Variants in CDH12 observed in about 807,000 individuals in gnomAD.
The protein encoded by CDH12 is cadherin-12.
In CDH12, 41 loss-of-function variants were observed where a neutral mutation model predicts 74.1. The observed-to-expected ratio is 0.55, with a 90% CI of 0.43 to 0.72. The LOEUF (loss-of-function observed/expected upper bound fraction) is 0.72, where lower values mean the gene tolerates loss of function less well. Among genes scored for constraint, CDH12 ranks in the 30% least tolerant of loss-of-function variants. CDH12 has a pLI of 0.00. For synonymous variants in CDH12, 399 were observed against 355.0 expected, an observed-to-expected ratio of 1.12 and a Z score of -1.39; for missense variants, 945 against 977.2, an observed-to-expected ratio of 0.97 and a Z score of 0.44.
At chr5:21,791,303 A>C (rs1356072670) in intron 10 of CDH12, among the ~76,000 whole-genome samples, 1 of 152,076 alleles carries the variant, frequency 6.6e-6, no homozygotes, top group Non-Finnish European at 1.5e-5. Context: ...TGAACTTGCA[A>C]TGAAACCATT....
At position 22,498,256 on chromosome 5, in the gene CDH12, T is replaced by C. The variant is rs560950972; in HGVS notation, c.-428+7014A>G. 5.9e-5 allele frequency among the ~76,000 whole-genome samples: 9 copies of C among 152,194 alleles called. 1 individual carries two copies. Among genetic ancestry groups the C allele is most frequent in the Admixed American group, 2.6e-4 (4 of 15,296 alleles). Reference sequence around the variant, plus strand: ...TAATTTTCTGCATAGCATTTATCATTTTCTATAAACTTATTTATACATAAT... The same window carrying C: ...TAATTTTCTGCATAGCATTTATCATCTTCTATAAACTTATTTATACATAAT... On this transcript the variant is annotated intron_variant, in intron 2 of 14. Coordinates refer to ENST00000382254, the MANE Select transcript of CDH12 (RefSeq NM_004061.5).
intron 8 of CDH12, among the ~76,000 whole-genome samples, chr5:21,833,283 TATAACATATAA>T (rs1749282622): frequency 4.3e-5 from 2 of 46,166 alleles, no homozygotes; most frequent in Non-Finnish European, 6.1e-5. Flanking sequence ...TTATATGTTA[TATAACATATAA>T]TATATATTAT....
chr5:22,010,820 G>A (rs1391211476), intron 5 of CDH12, among the ~76,000 whole-genome samples: 7 of 152,022 alleles, frequency 4.6e-5, no homozygotes, highest in East Asian at 1.9e-4. Flanking sequence ...CCACTCTGCC[G>A]GACGTATGTG....
intron 6 of CDH12, among the ~76,000 whole-genome samples, chr5:21,957,371 A>G (rs1457951526): frequency 6.6e-6 from 1 of 152,146 alleles, no homozygotes; most frequent in African/African-American, 2.4e-5. Flanking sequence ...TGCTGCAATG[A>G]ACATTTGTGT....
At chr5:22,792,761 G>A (rs969317607) in intron 1 of CDH12, among the ~76,000 whole-genome samples, 1 of 152,160 alleles carries the variant, frequency 6.6e-6, no homozygotes, top group African/African-American at 2.4e-5. Flanking sequence ...GTCAGGAAAC[G>A]GGAGTTGGGT....
intron 4 of CDH12, among the ~76,000 whole-genome samples, chr5:22,092,444 G>A (rs773157301): frequency 3.5e-4 from 53 of 152,252 alleles, no homozygotes; most frequent in Non-Finnish European, 5.9e-4. Context: ...CAATAAATGA[G>A]AGAGGGCTTT....
intron 5 of CDH12, among the ~76,000 whole-genome samples, chr5:21,998,986 TAA>T (rs1428089791): frequency 1.3e-5 from 2 of 152,212 alleles, no homozygotes; most frequent in Non-Finnish European, 2.9e-5. Context: ...TATTTCATCT[TAA>T]AGTTTGCCTT....
chr5:22,006,290 A>G (rs1736955029), intron 5 of CDH12, among the ~76,000 whole-genome samples: 1 of 151,952 alleles, frequency 6.6e-6, no homozygotes, highest in Non-Finnish European at 1.5e-5. Context: ...AAGTGCTGGG[A>G]TTACAGGCAT....
Position 21,883,084 on chromosome 5 carries a change from C to A in CDH12, c.527-28294G>T, listed in dbSNP as rs573824903. The A allele has an allele frequency of 3.1e-6, 5 of 1,607,640 alleles. No homozygotes were observed. In the African/African-American group the frequency reaches 6.7e-5, roughly 21 times the overall value. ...AAGCAGTCTAAACCTGTGACCACCC[C>A]TGAAGAAATTGCACAGGTTGCTATG... On this transcript the variant is annotated intron_variant, in intron 6 of 14. Coordinates refer to ENST00000382254, the MANE Select transcript of CDH12 (RefSeq NM_004061.5).
At chr5:22,498,206 G>T (rs778075825) in intron 2 of CDH12, among the ~76,000 whole-genome samples, 6 of 152,054 alleles carry the variant, frequency 3.9e-5, no homozygotes, top group Non-Finnish European at 8.8e-5. Flanking sequence ...GTACAACACA[G>T]AAACTTCCTG....
rs201528684 is a variant in CDH12 at position 21,765,131 on chromosome 5, T to G, written c.1394-32A>C. On this transcript the variant is annotated intron_variant, in intron 11 of 14. Transcript: ENST00000382254. ...AAAACATATAAAGATAAAAGATGAT[T>G]ACAAAATCCGGTCAGTTATTGCTTC... The G allele has an allele frequency of 2.2e-4, 326 of 1,477,616 alleles. No homozygotes were observed. The African/African-American group carries it at 4.1e-3, about 19-fold the overall frequency. 91.5% of individuals were successfully genotyped at this position (1,477,616 alleles called of 1,614,324 possible). A position where few individuals can be genotyped will look rare whatever the true frequency, so the allele number is the denominator to read the frequency against.
intron 1 of CDH12, among the ~76,000 whole-genome samples, chr5:22,598,102 G>T (rs1736687635): frequency 6.6e-6 from 1 of 152,044 alleles, no homozygotes; most frequent in Admixed American, 6.6e-5. Context: ...TTGTGGTTTG[G>T]GTTTGTATAA....
chr5:22,803,675 C>T (rs544795608), intron 1 of CDH12, among the ~76,000 whole-genome samples: 17 of 152,282 alleles, frequency 1.1e-4, no homozygotes, highest in African/African-American at 2.9e-4. Flanking sequence ...TCACCTTGGC[C>T]GCACTTTTTC....
chr5:22,680,894 C>T (rs1487997933), intron 1 of CDH12, among the ~76,000 whole-genome samples: 1 of 151,938 alleles, frequency 6.6e-6, no homozygotes, highest in Non-Finnish European at 1.5e-5. Flanking sequence ...AAATACCTTA[C>T]TCCTTCACTG....
chr5:22,535,321 A>AT (rs755568322), intron 1 of CDH12, among the ~76,000 whole-genome samples: 15 of 151,088 alleles, frequency 9.9e-5, no homozygotes, highest in South Asian at 6.3e-4. Context: ...CGCCCGGCTA[A>AT]TTTTTTTTGT....
intron 4 of CDH12, among the ~76,000 whole-genome samples, chr5:22,127,479 A>G (rs1204219873): frequency 2.0e-5 from 1 of 48,884 alleles, no homozygotes; most frequent in Non-Finnish European, 5.5e-5. Flanking sequence ...CTCCATCTCG[A>G]AAAAAAAAAA....
intron 1 of CDH12, among the ~76,000 whole-genome samples, chr5:22,524,877 T>C (rs184811744): frequency 0.043 from 6,577 of 152,062 alleles, 471 homozygotes; most frequent in African/African-American, 0.14. Flanking sequence ...TTGTTACATA[T>C]GTATACATGT....
At chr5:22,630,087 A>T in intron 1 of CDH12, among the ~76,000 whole-genome samples, 1 of 152,270 alleles carries the variant, frequency 6.6e-6, no homozygotes, top group South Asian at 2.1e-4. Context: ...ATTATAACAC[A>T]CTGCTCAAAG....
intron 6 of CDH12, among the ~76,000 whole-genome samples, chr5:21,895,255 A>G (rs1753070746): frequency 6.6e-6 from 1 of 152,198 alleles, no homozygotes; most frequent in Admixed American, 6.5e-5. Flanking sequence ...CTTACCTCAC[A>G]TACCCCATGT....
Sources: gnomAD v4.1 joint callset for allele counts (sites outside exome capture counted in the v4.1 genomes callset) on GRCh38, gnomAD v4.1.1 for gene constraint, MANE v1.5 for transcripts, NCBI Gene and HGNC (gene_info 2026-07-23, HGNC 2026-07-21) for gene names.